Variants in B3GALT1 observed in about 807,000 individuals in gnomAD.
The protein encoded by B3GALT1 is beta-1,3-galactosyltransferase 1, also known as UDP-Gal:betaGlcNAc beta 1,3-galactosyltransferase, polypeptide 1.
In B3GALT1, 10 loss-of-function variants were observed where a neutral mutation model predicts 23.2. The observed-to-expected ratio is 0.43, with a 90% CI of 0.27 to 0.73. The LOEUF is 0.73. Among genes scored for constraint, B3GALT1 ranks in the 30% least tolerant of loss-of-function variants. The pLI is 0.21. For missense variants in B3GALT1, 299 were observed against 405.4 expected, an observed-to-expected ratio of 0.74 and a Z score of 2.25; for synonymous variants, 156 against 141.5, an observed-to-expected ratio of 1.10 and a Z score of -0.73.
chr2:167,609,540 T>G (rs1685022908), intron 2 of B3GALT1, among the ~76,000 whole-genome samples: 2 of 152,098 alleles, frequency 1.3e-5, no homozygotes, highest in Non-Finnish European at 2.9e-5. Flanking sequence ...AGTTCCCCTG[T>G]GATTTAGGAC....
intron 2 of B3GALT1, among the ~76,000 whole-genome samples, chr2:167,500,397 A>T (rs1699834752): frequency 6.6e-6 from 1 of 152,180 alleles, no homozygotes; most frequent in African/African-American, 2.4e-5. Context: ...CCAGTTTTAT[A>T]TCACCACTTT....
At chr2:167,660,232 G>C (rs544391934) in intron 3 of B3GALT1, among the ~76,000 whole-genome samples, 1 of 152,124 alleles carries the variant, frequency 6.6e-6, no homozygotes, top group South Asian at 2.1e-4. Context: ...GCAAACCCTG[G>C]AAGTTATTAT....
At chr2:167,614,960 A>G (rs1157167824) in intron 2 of B3GALT1, among the ~76,000 whole-genome samples, 1 of 151,950 alleles carries the variant, frequency 6.6e-6, no homozygotes. Context: ...TTGAATGTTA[A>G]AAATAAGAAT....
intron 2 of B3GALT1, among the ~76,000 whole-genome samples, chr2:167,576,300 AAAT>A (rs923860607): frequency 9.9e-5 from 15 of 151,760 alleles, no homozygotes; most frequent in Non-Finnish European, 1.6e-4. Context: ...CTTACCTCAA[AAAT>A]ATTTTTCTGA....
At chr2:167,546,118 GT>G (rs1199680850) in intron 2 of B3GALT1, among the ~76,000 whole-genome samples, 1 of 152,158 alleles carries the variant, frequency 6.6e-6, no homozygotes, top group Non-Finnish European at 1.5e-5. Context: ...TTGGGATAAG[GT>G]TTGCTTAGTC....
chr2:167,564,973 C>T (rs1684127121), intron 2 of B3GALT1, among the ~76,000 whole-genome samples: 1 of 152,150 alleles, frequency 6.6e-6, no homozygotes, highest in South Asian at 2.1e-4. Context: ...ATCAAGCTAC[C>T]AATGACTTTC....
chr2:167,562,671 G>A lies in B3GALT1; in HGVS notation c.-410+72394G>A, dbSNP rs867327714. Among the ~76,000 whole-genome samples the A allele has an allele frequency of 3.8e-3, 492 of 130,026 alleles. 2 individuals are homozygous for A. The highest frequency in any genetic ancestry group is 0.013 in the African/African-American group (433 of 32,158). 85.3% of individuals were successfully genotyped at this position (130,026 alleles called of 152,430 possible). Reference sequence around the variant, plus strand: ...ATTCTTTTTTTTTTTTTTTTTAATTGATCATTCTTGGGTGTTTCTCGCAGA... The same window carrying A: ...ATTCTTTTTTTTTTTTTTTTTAATTAATCATTCTTGGGTGTTTCTCGCAGA... On this transcript the variant is annotated intron_variant, in intron 2 of 4. Coordinates refer to ENST00000392690, the MANE Select transcript of B3GALT1 (RefSeq NM_020981.4).
chr2:167,765,707 G>A (rs756483473), intron 3 of B3GALT1, among the ~76,000 whole-genome samples: 16 of 152,196 alleles, frequency 1.1e-4, no homozygotes, highest in East Asian at 3.9e-4. Flanking sequence ...TATAAAATAC[G>A]TAGACATAAA....
At chr2:167,390,651 A>G (rs965022182) in intron 1 of B3GALT1, among the ~76,000 whole-genome samples, 3 of 152,196 alleles carry the variant, frequency 2.0e-5, no homozygotes, top group African/African-American at 7.2e-5. Context: ...TCTCCCGTTT[A>G]AGATCCTTCT....
At chr2:167,709,510 G>A (rs1001811983) in intron 3 of B3GALT1, among the ~76,000 whole-genome samples, 1 of 152,196 alleles carries the variant, frequency 6.6e-6, no homozygotes, top group African/African-American at 2.4e-5. Context: ...CTAAAATTGT[G>A]TTAATATTTG....
At chr2:167,447,966 G>C (rs1021946713) in intron 1 of B3GALT1, among the ~76,000 whole-genome samples, 1 of 152,132 alleles carries the variant, frequency 6.6e-6, no homozygotes, top group Non-Finnish European at 1.5e-5. Context: ...GACTGGAGCT[G>C]TTCCTATTCG....
intron 3 of B3GALT1, among the ~76,000 whole-genome samples, chr2:167,680,526 T>C (rs1372386553): frequency 1.1e-5 from 1 of 91,112 alleles, no homozygotes; most frequent in Non-Finnish European, 2.8e-5. Flanking sequence ...TTTTTTTTGG[T>C]AGGAGGGAGC....
intron 1 of B3GALT1, among the ~76,000 whole-genome samples, chr2:167,428,670 T>A (rs1698659626): frequency 6.6e-6 from 1 of 151,884 alleles, no homozygotes; most frequent in Non-Finnish European, 1.5e-5. Flanking sequence ...AGAGCGAGAC[T>A]CCATTTAAAA....
intron 2 of B3GALT1, among the ~76,000 whole-genome samples, chr2:167,495,326 C>CTTTTTTTTTT (rs954749958): frequency 3.5e-5 from 2 of 57,882 alleles, no homozygotes; most frequent in Admixed American, 2.3e-4. Flanking sequence ...GCTTGCTTGC[C>CTTTTTTTTTT]TTTTTTTTTT....
intron 2 of B3GALT1, among the ~76,000 whole-genome samples, chr2:167,621,807 C>T (rs1685265127): frequency 1.3e-5 from 2 of 151,978 alleles, no homozygotes; most frequent in Non-Finnish European, 2.9e-5. Flanking sequence ...ACTGCTGCTG[C>T]CTTGTGAAGA....
At chr2:167,555,299 A>G (rs1165693754) in intron 2 of B3GALT1, among the ~76,000 whole-genome samples, 1 of 152,162 alleles carries the variant, frequency 6.6e-6, no homozygotes, top group African/African-American at 2.4e-5. Flanking sequence ...AAATCTCACC[A>G]TAGTCTCACA....
chr2:167,680,566 G>A (rs936450052), intron 3 of B3GALT1, among the ~76,000 whole-genome samples: 5 of 94,160 alleles, frequency 5.3e-5, no homozygotes, highest in Non-Finnish European at 1.3e-4. Flanking sequence ...TTTTTATCCT[G>A]TTTTTAAGTA....
chr2:167,601,141 C>T (rs879496935), intron 2 of B3GALT1, among the ~76,000 whole-genome samples: 5 of 152,136 alleles, frequency 3.3e-5, no homozygotes, highest in Non-Finnish European at 5.9e-5. Flanking sequence ...CTCACTGCAA[C>T]CTCTGAGTCC....
intron 3 of B3GALT1, among the ~76,000 whole-genome samples, chr2:167,654,513 T>C (rs1232743361): frequency 6.6e-6 from 1 of 152,152 alleles, no homozygotes; most frequent in African/African-American, 2.4e-5. Context: ...CTCTTTCTTT[T>C]TTTTGAGACA....
Sources: gnomAD v4.1 joint callset for allele counts (sites outside exome capture counted in the v4.1 genomes callset) on GRCh38, gnomAD v4.1.1 for gene constraint, MANE v1.5 for transcripts, NCBI Gene and HGNC (gene_info 2026-07-23, HGNC 2026-07-21) for gene names.